DNM3: variants seen among roughly 807,000 people sequenced by gnomAD.
DNM3 encodes dynamin 3.
In DNM3, 47 loss-of-function variants were observed where a neutral mutation model predicts 101.6. The ratio of observed to expected loss-of-function variants is 0.46; its 90% CI spans 0.37 to 0.59. The LOEUF (loss-of-function observed/expected upper bound fraction) is 0.59. Ranked by LOEUF, DNM3 falls within the 20% of genes least tolerant of loss-of-function variation. The pLI is 0.00. For missense variants in DNM3, 849 were observed against 1,085.7 expected (o/e 0.78, Z 3.06); for synonymous variants, 385 against 387.9 (o/e 0.99, Z 0.09).
At chr1:172,276,585 G>GTGTGTGTGTGTA (rs1439139115) in intron 15 of DNM3, among the ~76,000 whole-genome samples, 1 of 151,500 alleles carries the variant, frequency 6.6e-6, no homozygotes, top group Non-Finnish European at 1.5e-5. Flanking sequence ...GTGTGTGTGT[G>GTGTGTGTGTGTA]TATAGGACTA....
At chr1:172,053,567 A>G (rs2050360469) in intron 10 of DNM3, among the ~76,000 whole-genome samples, 1 of 152,088 alleles carries the variant, frequency 6.6e-6, no homozygotes, top group African/African-American at 2.4e-5. Context: ...TGTGTTTTTT[A>G]TCTTCTCTCT....
intron 14 of DNM3, among the ~76,000 whole-genome samples, chr1:172,213,892 C>T (rs1159087913): frequency 6.6e-6 from 1 of 151,526 alleles, no homozygotes; most frequent in Non-Finnish European, 1.5e-5. Flanking sequence ...TCTGCAAGCA[C>T]ATTTTAACAA....
chr1:172,040,692 T>C (rs900501321), intron 7 of DNM3, among the ~76,000 whole-genome samples: 2 of 152,106 alleles, frequency 1.3e-5, no homozygotes, highest in African/African-American at 4.8e-5. Context: ...ACGCTGAAGA[T>C]GCAGAGGAGG....
chr1:172,217,385 AACCAATTG>A (rs2060741281), intron 14 of DNM3, among the ~76,000 whole-genome samples: 1 of 152,144 alleles, frequency 6.6e-6, no homozygotes, highest in Non-Finnish European at 1.5e-5. Context: ...GGGGCCTGCC[AACCAATTG>A]TGTTCAGTCC....
chr1:172,304,114 T>C (rs948985687), intron 15 of DNM3, among the ~76,000 whole-genome samples: 1 of 150,500 alleles, frequency 6.6e-6, no homozygotes, highest in Non-Finnish European at 1.5e-5. Flanking sequence ...GACCCATCAG[T>C]GTGCTGTATT....
intron 14 of DNM3, among the ~76,000 whole-genome samples, chr1:172,188,178 A>T (rs1013223272): frequency 6.6e-6 from 1 of 152,090 alleles, no homozygotes; most frequent in Non-Finnish European, 1.5e-5. Flanking sequence ...AAATCCATCA[A>T]TTTGTCTTGG....
intron 20 of DNM3, among the ~76,000 whole-genome samples, chr1:172,389,399 C>T (rs2069391553): frequency 6.6e-6 from 1 of 151,424 alleles, no homozygotes; most frequent in African/African-American, 2.5e-5. Flanking sequence ...TAAGATAGAT[C>T]ATTGTACATC....
At chr1:171,935,908 A>G (rs1209990409) in intron 2 of DNM3, among the ~76,000 whole-genome samples, 3 of 151,378 alleles carry the variant, frequency 2.0e-5, no homozygotes, top group African/African-American at 7.3e-5. Flanking sequence ...TGAGAAAGCA[A>G]ATGTGCCTGA....
rs567046345 is a variant in DNM3 at position 172,375,341 on chromosome 1, A to G, written c.1894-3677A>G. On this transcript the variant is annotated intron_variant, in intron 17 of 20. Transcript: ENST00000627582. ...ACATGTTTTGTCTCACAGTATTTGT[A>G]GACCACTGTTGGTGGTGGGGTGAGC... 1.7e-4 allele frequency among the ~76,000 whole-genome samples: 26 copies of G among 152,188 alleles called. No homozygotes were observed. The South Asian group carries it at 4.6e-3, about 27-fold the overall frequency.
chr1:172,411,120 ATATC>A lies in DNM3; in HGVS notation c.*3283_*3286del. On this transcript the variant is annotated 3_prime_UTR_variant, in exon 21 of 21. Coordinates refer to ENST00000627582, the MANE Select transcript of DNM3 (RefSeq NM_015569.5). Reference sequence around the variant, plus strand: ...AATATATGTATATGTATGGTTGTAAATATCTATGTATACATGTACTTAGTATGTG... The same window carrying A: ...AATATATGTATATGTATGGTTGTAAATATGTATACATGTACTTAGTATGTG... 3 of 984,308 alleles carry A rather than the reference ATATC, an allele frequency of 3.0e-6. No homozygotes were observed. The highest frequency in any genetic ancestry group is 3.6e-6 in the Non-Finnish European group (3 of 828,932). 61.0% of individuals were successfully genotyped at this position (984,308 alleles called of 1,614,324 possible). A position where few individuals can be genotyped will look rare whatever the true frequency, so the allele number is the denominator to read the frequency against.
intron 13 of DNM3, among the ~76,000 whole-genome samples, chr1:172,128,821 A>G (rs545182146): frequency 2.6e-5 from 4 of 152,184 alleles, no homozygotes; most frequent in African/African-American, 9.6e-5. Context: ...TACCTCCTAG[A>G]TATTTCTTCA....
intron 20 of DNM3, among the ~76,000 whole-genome samples, chr1:172,399,310 T>C (rs1398884477): frequency 1.3e-5 from 2 of 152,206 alleles, no homozygotes; most frequent in Admixed American, 6.5e-5. Context: ...AAATTCTGTT[T>C]TTCAAGGCGT....
chr1:172,107,984 G>C (rs2055185878), intron 13 of DNM3, among the ~76,000 whole-genome samples: 1 of 151,826 alleles, frequency 6.6e-6, no homozygotes, highest in South Asian at 2.1e-4. Context: ...ATGTTGATCA[G>C]AGCAGTCAGG....
chr1:171,916,698 C>T (rs568224663), intron 1 of DNM3, among the ~76,000 whole-genome samples: 1 of 152,314 alleles, frequency 6.6e-6, no homozygotes, highest in East Asian at 1.9e-4. Flanking sequence ...TCTATATAAT[C>T]CCCAGTGATT....
rs566600320 is a variant in DNM3 at position 172,365,832 on chromosome 1, G to A, written c.1894-13186G>A. Reference sequence around the variant, plus strand: ...AGTAAAAAATAACCAAACACTGTACGTGAGAAGTCATAATCTTTAAAGATA... The same window carrying A: ...AGTAAAAAATAACCAAACACTGTACATGAGAAGTCATAATCTTTAAAGATA... On this transcript the variant is annotated intron_variant, in intron 17 of 20. Transcript: ENST00000627582. Among the ~76,000 whole-genome samples the A allele has an allele frequency of 4.6e-5, 7 of 152,030 alleles. No individual in the cohort carries two copies. In the South Asian group the frequency reaches 6.2e-4, roughly 14 times the overall value.
chr1:172,382,263 G>A (rs2149065231), intron 18 of DNM3, among the ~76,000 whole-genome samples: 1 of 152,248 alleles, frequency 6.6e-6, no homozygotes, highest in South Asian at 2.1e-4. Flanking sequence ...GTTTTGCTCA[G>A]GACTTTAAAG....
In DNM3 at chr1:171,929,841, A is replaced by T. The variant is rs577195182; in HGVS notation, c.235+8020A>T. ...ATCCTCTTAAAAGAGTGGTCTGGCCACATTTTCGTAGAGCAGCTGTGATGT... is the reference window on the plus strand; with the variant it reads ...ATCCTCTTAAAAGAGTGGTCTGGCCTCATTTTCGTAGAGCAGCTGTGATGT... On this transcript the variant is annotated intron_variant, in intron 2 of 20. Coordinates refer to ENST00000627582, the MANE Select transcript of DNM3 (RefSeq NM_015569.5). Among the ~76,000 whole-genome samples, 3 of 152,346 alleles carry T rather than the reference A, an allele frequency of 2.0e-5. No homozygotes were observed. In the South Asian group the frequency reaches 6.2e-4, roughly 32 times the overall value.
intron 14 of DNM3, among the ~76,000 whole-genome samples, chr1:172,191,929 G>T (rs146158837): frequency 0.067 from 10,183 of 152,112 alleles, 400 homozygotes; most frequent in Middle Eastern, 0.12. Context: ...GAGATGACGG[G>T]TTTTTCTAAA....
chr1:172,271,022 A>G (rs2063063604), intron 15 of DNM3, among the ~76,000 whole-genome samples: 1 of 152,158 alleles, frequency 6.6e-6, no homozygotes, highest in African/African-American at 2.4e-5. Flanking sequence ...ATATTATAAA[A>G]TGATTTTGCT....
Sources: allele counts gnomAD v4.1 joint callset (sites outside exome capture counted in the v4.1 genomes callset), GRCh38; gene constraint gnomAD v4.1.1; transcripts MANE v1.5; gene names NCBI Gene and HGNC (gene_info 2026-07-23, HGNC 2026-07-21).